USP34: variants seen among roughly 807,000 people sequenced by gnomAD.
USP34 encodes the protein ubiquitin carboxyl-terminal hydrolase 34.
A neutral mutation model predicts 460.3 loss-of-function variants in USP34; 70 were observed. The observed-to-expected ratio is 0.15, with a 90% CI of 0.13 to 0.19. The LOEUF is 0.19. USP34 is among the 10% of genes least tolerant of loss of function. The pLI is 1.00. For missense variants in USP34, 3,985 were observed against 4,236.2 expected (o/e 0.94, Z 1.65); for synonymous variants, 1,647 against 1,405.3 (o/e 1.17, Z -3.85).
At chr2:61,362,051 C>T (rs563329777) in intron 10 of USP34, among the ~76,000 whole-genome samples, 1 of 151,970 alleles carries the variant, frequency 6.6e-6, no homozygotes, top group Non-Finnish European at 1.5e-5. Context: ...AACAAATAGC[C>T]AATAGGTATA....
At chr2:61,320,091 T>C (rs1241570797) in intron 21 of USP34, among the ~76,000 whole-genome samples, 1 of 152,182 alleles carries the variant, frequency 6.6e-6, no homozygotes, top group Non-Finnish European at 1.5e-5. Flanking sequence ...CAATAACAAA[T>C]TCAGTGGGCT....
At chr2:61,408,034 G>A (rs906455584) in intron 2 of USP34, among the ~76,000 whole-genome samples, 1 of 152,176 alleles carries the variant, frequency 6.6e-6, no homozygotes, top group South Asian at 2.1e-4. Context: ...AGAATCACTT[G>A]AACCGGGGAA....
intron 43 of USP34, among the ~76,000 whole-genome samples, chr2:61,264,913 A>G (rs1010147032): frequency 1.3e-5 from 2 of 152,110 alleles, no homozygotes; most frequent in African/African-American, 4.8e-5. Flanking sequence ...TGAAAACTAG[A>G]AAGTGAATAA....
intron 8 of USP34, 127 bp from the exon 9 acceptor site, chr2:61,370,706 T>C (rs781434742): frequency 1.7e-4 from 123 of 714,064 alleles, no homozygotes; most frequent in Admixed American, 1.2e-3. Flanking sequence ...ATACAATCAG[T>C]TTTATAGAAT....
intron 67 of USP34, among the ~76,000 whole-genome samples, chr2:61,215,701 A>T (rs1251917625): frequency 1.3e-5 from 2 of 152,254 alleles, no homozygotes; most frequent in Non-Finnish European, 2.9e-5. Context: ...TTGCCTTGAG[A>T]AACAATGATG....
Position 61,257,120 on chromosome 2 carries a change from A to T in USP34, c.5992-12T>A. The T allele has an allele frequency of 6.4e-7, 1 of 1,573,426 alleles. No individual in the cohort carries two copies. The highest frequency in any genetic ancestry group is 8.6e-7 in the Non-Finnish European group (1 of 1,165,542). On this transcript the variant is annotated splice_polypyrimidine_tract_variant and intron_variant, in intron 45 of 79. Coordinates refer to ENST00000398571, the MANE Select transcript of USP34 (RefSeq NM_014709.4). The stretch of plus-strand genomic sequence containing the variant: ...TTGACGGTATTTTTCTTTAATATAA[A>T]ACAAACAAAAAATAAGAAACTAGTT...
At chr2:61,339,835 TTTTTG>T (rs1300204584) in intron 16 of USP34, among the ~76,000 whole-genome samples, 154 bp from the exon 17 acceptor site, 2 of 146,852 alleles carry the variant, frequency 1.4e-5, no homozygotes, top group East Asian at 3.9e-4. Flanking sequence ...TTTTGTTTTG[TTTTTG>T]TTTTTTTTTT....
intron 62 of USP34, among the ~76,000 whole-genome samples, chr2:61,225,743 A>G (rs1239939332): frequency 6.6e-6 from 1 of 152,172 alleles, no homozygotes; most frequent in Non-Finnish European, 1.5e-5. Context: ...TTGTCAACCA[A>G]TCGATACATT....
intron 41 of USP34, among the ~76,000 whole-genome samples, chr2:61,268,487 C>T (rs1486597032): frequency 6.7e-6 from 1 of 149,550 alleles, no homozygotes; most frequent in Non-Finnish European, 1.5e-5. Flanking sequence ...CCTCCCACCT[C>T]CCTTTCTCGC....
chr2:61,231,449 A>C (rs1003852375), intron 58 of USP34, among the ~76,000 whole-genome samples: 1 of 152,218 alleles, frequency 6.6e-6, no homozygotes, highest in Non-Finnish European at 1.5e-5. Flanking sequence ...TCAGTGGCTC[A>C]CAACTATAAT....
intron 39 of USP34, 141 bp from the exon 40 acceptor site, chr2:61,278,584 T>C: frequency 1.6e-6 from 1 of 616,068 alleles, no homozygotes; most frequent in Non-Finnish European, 2.7e-6. Flanking sequence ...ATACACCTAC[T>C]CTTTACTTAT....
chr2:61,218,943 C>T (rs1358551217), intron 67 of USP34, among the ~76,000 whole-genome samples: 1 of 152,220 alleles, frequency 6.6e-6, no homozygotes, highest in African/African-American at 2.4e-5. Flanking sequence ...ACTTCCTCCA[C>T]ACCCCATTCC....
intron 3 of USP34, among the ~76,000 whole-genome samples, chr2:61,398,525 C>CA (rs548904591): frequency 0.013 from 794 of 63,412 alleles, no homozygotes; most frequent in South Asian, 0.021. Context: ...GAGGCGGAAG[C>CA]GGGGAAGGAG....
intron 41 of USP34, among the ~76,000 whole-genome samples, chr2:61,269,578 A>T (rs1689153110): frequency 6.6e-6 from 1 of 152,152 alleles, no homozygotes; most frequent in African/African-American, 2.4e-5. Flanking sequence ...ATTGTCTACA[A>T]AGACTTAAAA....
intron 1 of USP34, among the ~76,000 whole-genome samples, chr2:61,468,984 G>T (rs1356566210): frequency 6.6e-6 from 1 of 152,092 alleles, no homozygotes; most frequent in African/African-American, 2.4e-5. Flanking sequence ...CGAGGCAGGC[G>T]GATCACAAGG....
chr2:61,464,010 G>C (rs911943786), intron 1 of USP34, among the ~76,000 whole-genome samples: 2 of 152,136 alleles, frequency 1.3e-5, no homozygotes, highest in Admixed American at 6.6e-5. Context: ...TGCAAAGCAT[G>C]TAAAGTACTT....
At chr2:61,391,227 T>C (rs1348153077) in intron 5 of USP34, among the ~76,000 whole-genome samples, 3 of 152,044 alleles carry the variant, frequency 2.0e-5, no homozygotes, top group African/African-American at 7.2e-5. Context: ...GGGCGGATCA[T>C]TTGAGCCCAG....
intron 5 of USP34, among the ~76,000 whole-genome samples, chr2:61,384,606 G>C (rs1693080177): frequency 6.6e-6 from 1 of 152,090 alleles, no homozygotes; most frequent in Admixed American, 6.6e-5. Flanking sequence ...CCAGGAGGTG[G>C]AAGTCTCAGT....
intron 72 of USP34, among the ~76,000 whole-genome samples, chr2:61,205,184 A>G (rs1687082255): frequency 6.6e-6 from 1 of 152,244 alleles, no homozygotes; most frequent in African/African-American, 2.4e-5. Context: ...TATGTGTCTC[A>G]TAAAATCAAC....
Sources: allele counts gnomAD v4.1 joint callset (sites outside exome capture counted in the v4.1 genomes callset), GRCh38; gene constraint gnomAD v4.1.1; transcripts MANE v1.5; gene names NCBI Gene and HGNC (gene_info 2026-07-23, HGNC 2026-07-21).